The following ADD3 variants were observed in gnomAD, a reference collection of about 807,000 sequenced individuals.
ADD3 encodes the protein gamma-adducin.
In ADD3, 25 loss-of-function variants were observed where a neutral mutation model predicts 80.2. The observed-to-expected ratio is 0.31, with a 90% CI of 0.23 to 0.44. The LOEUF (loss-of-function observed/expected upper bound fraction) is 0.44, where lower values mean the gene tolerates loss of function less well. Ranked by LOEUF, ADD3 falls within the 20% of genes least tolerant of loss-of-function variation. The pLI is 1.00. For synonymous variants in ADD3, 284 were observed against 289.6 expected, an observed-to-expected ratio of 0.98 and a Z score of 0.20; for missense variants, 829 against 847.5, an observed-to-expected ratio of 0.98 and a Z score of 0.27.
intron 12 of ADD3, among the ~76,000 whole-genome samples, chr10:110,128,049 A>ATTTTTTTTT (rs71486096): frequency 1.3e-4 from 14 of 105,986 alleles, no homozygotes; most frequent in African/African-American, 2.1e-4. Flanking sequence ...TTTGTTTAGG[A>ATTTTTTTTT]TTTTTTTTTT....
intron 13 of ADD3, among the ~76,000 whole-genome samples, chr10:110,131,171 G>A (rs927676699): frequency 2.6e-5 from 4 of 152,106 alleles, no homozygotes; most frequent in South Asian, 2.1e-4. Context: ...TTAAGCACAC[G>A]GACACTCTAG....
At chr10:110,087,012 A>C (rs1433578777) in intron 1 of ADD3, among the ~76,000 whole-genome samples, 3 of 152,026 alleles carry the variant, frequency 2.0e-5, no homozygotes, top group African/African-American at 7.2e-5. Context: ...CACTCGCTTT[A>C]GAAAGTGGCT....
At chr10:110,022,560 A>C (rs1490804191) in intron 1 of ADD3, among the ~76,000 whole-genome samples, 1 of 152,210 alleles carries the variant, frequency 6.6e-6, no homozygotes, top group African/African-American at 2.4e-5. Context: ...AACTTCTAGA[A>C]AACAGTGGTC....
intron 1 of ADD3, among the ~76,000 whole-genome samples, chr10:110,079,702 G>A (rs80030599): frequency 0.011 from 1,611 of 151,730 alleles, 32 homozygotes; most frequent in African/African-American, 0.038. Context: ...ATAACAGCTC[G>A]GCTAATTTTT....
intron 1 of ADD3, among the ~76,000 whole-genome samples, chr10:110,079,591 T>C (rs2133752062): frequency 6.6e-6 from 1 of 152,002 alleles, no homozygotes; most frequent in East Asian, 1.9e-4. Flanking sequence ...AGTCTTACTC[T>C]GTCACCTAGG....
At chr10:110,113,042 C>T (rs1590177374) in intron 3 of ADD3, 127 bp downstream of exon 3, 26 of 1,012,130 alleles carry the variant, frequency 2.6e-5, no homozygotes, top group Middle Eastern at 3.2e-4. Flanking sequence ...CTTAGAGTAA[C>T]ATAGTGTTAG....
intron 1 of ADD3, among the ~76,000 whole-genome samples, chr10:110,070,984 G>T (rs1457038177): frequency 2.5e-4 from 22 of 87,028 alleles, no homozygotes; most frequent in African/African-American, 1.3e-3. Flanking sequence ...TTGTTTTTGG[G>T]GGGGGGGGGT....
chr10:110,049,049 G>T (rs1425901953), intron 1 of ADD3, among the ~76,000 whole-genome samples: 1 of 152,194 alleles, frequency 6.6e-6, no homozygotes, highest in African/African-American at 2.4e-5. Context: ...GGTGCCTTGT[G>T]TCCCAATCAC....
At chr10:110,071,921 A>AT (rs60622863) in intron 1 of ADD3, among the ~76,000 whole-genome samples, 2 of 152,126 alleles carry the variant, frequency 1.3e-5, no homozygotes, top group Non-Finnish European at 2.9e-5. Context: ...TATTTTGAAC[A>AT]TTAACCATAT....
rs777944191 is a variant in ADD3, at chr10:110,122,134, G to A, written c.985G>A (p.Gly329Arg). 1 of 1,613,782 alleles carries A rather than the reference G, an allele frequency of 6.2e-7. No homozygotes were observed. The highest frequency in any genetic ancestry group is 8.5e-7 in the Non-Finnish European group (1 of 1,179,776). ...IQVQALAGAGGVDNLHVLDFQ... is the reference protein window; with the variant it reads ...IQVQALAGAGRVDNLHVLDFQ... ...GGTGCAGGCCCTAGCAGGTGCAGGTGGAGTAGACAATCTCCATGTACTGGA... is the reference window on the plus strand; with the variant it reads ...GGTGCAGGCCCTAGCAGGTGCAGGTAGAGTAGACAATCTCCATGTACTGGA... Residue 329 changes from glycine (G) to arginine (R), a missense_variant, in exon 9 of 15, where the codon GGA becomes AGA. By Grantham distance (125) the Gly-to-Arg change is moderately radical. Coordinates refer to ENST00000356080, the MANE Select transcript of ADD3 (RefSeq NM_016824.5).
intron 1 of ADD3, among the ~76,000 whole-genome samples, chr10:110,038,924 A>G (rs559842918): frequency 1.3e-5 from 2 of 152,352 alleles, no homozygotes; most frequent in African/African-American, 4.8e-5. Context: ...GGGCTATAAT[A>G]TGTGTAATAT....
chr10:110,038,854 A>C (rs1365705453), intron 1 of ADD3, among the ~76,000 whole-genome samples: 1 of 152,250 alleles, frequency 6.6e-6, no homozygotes, highest in African/African-American at 2.4e-5. Flanking sequence ...CAACATTAGC[A>C]TATAACACAG....
intron 12 of ADD3, among the ~76,000 whole-genome samples, chr10:110,129,244 G>A (rs1379812105): frequency 1.3e-5 from 2 of 151,558 alleles, no homozygotes; most frequent in African/African-American, 4.8e-5. Context: ...CCGCCTCCCG[G>A]GTTCAAGCCA....
chr10:110,065,700 C>T (rs1162149585), intron 1 of ADD3, among the ~76,000 whole-genome samples: 5 of 150,716 alleles, frequency 3.3e-5, no homozygotes, highest in African/African-American at 4.9e-5. Flanking sequence ...CCACCATGCC[C>T]GGCTAGTTTT....
chr10:110,055,228 T>G (rs534195219), intron 1 of ADD3, among the ~76,000 whole-genome samples: 1 of 152,332 alleles, frequency 6.6e-6, no homozygotes, highest in South Asian at 2.1e-4. Flanking sequence ...CTGTTGAACT[T>G]CTTGCCCGGG....
chr10:110,010,700 C>T (rs867668768), intron 1 of ADD3, among the ~76,000 whole-genome samples: 1 of 152,158 alleles, frequency 6.6e-6, no homozygotes, highest in Non-Finnish European at 1.5e-5. Flanking sequence ...TCCAACAACC[C>T]AGTGGCTAAA....
chr10:110,108,400 T>C (rs1849625134), intron 2 of ADD3, among the ~76,000 whole-genome samples: 1 of 152,168 alleles, frequency 6.6e-6, no homozygotes, highest in Non-Finnish European at 1.5e-5. Flanking sequence ...TTGTGCTCAG[T>C]TGAGGGTTCC....
At chr10:110,009,502 A>G (rs1852073350) in intron 1 of ADD3, among the ~76,000 whole-genome samples, 1 of 152,186 alleles carries the variant, frequency 6.6e-6, no homozygotes, top group South Asian at 2.1e-4. Context: ...TATTTGTGTA[A>G]TTAAGTTATG....
At chr10:110,105,981 T>C (rs964634127) in intron 2 of ADD3, 26 of 152,270 alleles carry the variant, frequency 1.7e-4, no homozygotes, top group African/African-American at 4.8e-4. Flanking sequence ...GGTTTATTTG[T>C]TTTTTCTCCT....
Sources: gnomAD v4.1 joint callset for allele counts (sites outside exome capture counted in the v4.1 genomes callset) on GRCh38, gnomAD v4.1.1 for gene constraint, MANE v1.5 for transcripts, NCBI Gene and HGNC (gene_info 2026-07-23, HGNC 2026-07-21) for gene names.